CDH18: variants seen among roughly 807,000 people sequenced by gnomAD.
CDH18 encodes the protein cadherin 18.
In CDH18, 31 loss-of-function variants were observed where a neutral mutation model predicts 67.9. That is an observed-to-expected ratio of 0.46 (90% CI 0.34 to 0.62). The LOEUF is 0.62. Ranked by LOEUF, CDH18 falls within the 20% of genes least tolerant of loss-of-function variation. CDH18 has a pLI of 0.01. For missense variants in CDH18, 890 were observed against 975.5 expected (o/e 0.91, Z 1.17); for synonymous variants, 362 against 347.2 (o/e 1.04, Z -0.48).
At chr5:19,854,671 C>T (rs182329997) in intron 2 of CDH18, among the ~76,000 whole-genome samples, 1 of 152,198 alleles carries the variant, frequency 6.6e-6, no homozygotes, top group African/African-American at 2.4e-5. Context: ...GAATACTAGG[C>T]AGCTCCTTAT....
intron 1 of CDH18, among the ~76,000 whole-genome samples, chr5:20,368,608 CTT>C: frequency 6.6e-6 from 1 of 152,206 alleles, no homozygotes; most frequent in South Asian, 2.1e-4. Flanking sequence ...AAAAAGTACC[CTT>C]TTTATACCAT....
At chr5:20,566,721 G>A (rs1248348886) in intron 1 of CDH18, among the ~76,000 whole-genome samples, 1 of 151,268 alleles carries the variant, frequency 6.6e-6, no homozygotes, top group African/African-American at 2.4e-5. Flanking sequence ...TGATTTTTTT[G>A]GCTTGTTTGC....
At chr5:20,559,472 G>T (rs1207737792) in intron 1 of CDH18, among the ~76,000 whole-genome samples, 2 of 151,958 alleles carry the variant, frequency 1.3e-5, no homozygotes, top group Non-Finnish European at 2.9e-5. Context: ...AAATAGTATG[G>T]TATATAATGT....
At chr5:19,725,817 T>G (rs1300809344) in intron 4 of CDH18, among the ~76,000 whole-genome samples, 4 of 152,118 alleles carry the variant, frequency 2.6e-5, no homozygotes, top group Admixed American at 2.0e-4. Flanking sequence ...AAGAGGAGTG[T>G]TAACAGTTCT....
At chr5:19,963,951 A>G (rs1301352704) in intron 2 of CDH18, among the ~76,000 whole-genome samples, 2 of 151,932 alleles carry the variant, frequency 1.3e-5, no homozygotes, top group Non-Finnish European at 2.9e-5. Flanking sequence ...AACTAACTCA[A>G]TATCAAGACA....
chr5:19,955,645 A>G (rs1796189645), intron 2 of CDH18, among the ~76,000 whole-genome samples: 1 of 152,110 alleles, frequency 6.6e-6, no homozygotes. Context: ...TTTATAGCAC[A>G]TACTGGACAT....
chr5:20,369,222 T>C (rs1742775461), intron 1 of CDH18, among the ~76,000 whole-genome samples: 1 of 152,028 alleles, frequency 6.6e-6, no homozygotes, highest in Non-Finnish European at 1.5e-5. Context: ...AAAGAAAATG[T>C]GTGCTCCATT....
At chr5:20,237,965 A>T (rs1371929462) in intron 2 of CDH18, among the ~76,000 whole-genome samples, 2 of 152,028 alleles carry the variant, frequency 1.3e-5, no homozygotes, top group African/African-American at 4.8e-5. Flanking sequence ...ACACAAATAG[A>T]TCAATAGAAC....
intron 1 of CDH18, among the ~76,000 whole-genome samples, chr5:20,358,211 A>G (rs1458984677): frequency 6.6e-6 from 1 of 152,222 alleles, no homozygotes; most frequent in Admixed American, 6.5e-5. Flanking sequence ...TACTATGCCC[A>G]CTACCTGGGC....
Position 19,642,735 on chromosome 5 carries a change from G to T in CDH18, c.644-30134C>A, listed in dbSNP as rs1754191625. Among the ~76,000 whole-genome samples, 4 of 152,076 alleles carry T rather than the reference G, an allele frequency of 2.6e-5. No individual in the cohort carries two copies. In the East Asian group the frequency reaches 5.8e-4, roughly 22 times the overall value. On this transcript the variant is annotated intron_variant, in intron 5 of 12. Coordinates refer to ENST00000382275, the MANE Select transcript of CDH18 (RefSeq NM_004934.5). ...GTAACAGTACTAGAAAAAAAAGATA[G>T]GGGGAAGGCTTCTTGCTATTTGTCC...
At chr5:20,560,938 A>G (rs917312104) in intron 1 of CDH18, among the ~76,000 whole-genome samples, 2 of 151,998 alleles carry the variant, frequency 1.3e-5, no homozygotes, top group Non-Finnish European at 1.5e-5. Flanking sequence ...TTAACAAACT[A>G]AAAAAAATCA....
At chr5:19,718,493 A>G (rs1447153093) in intron 5 of CDH18, among the ~76,000 whole-genome samples, 1 of 151,940 alleles carries the variant, frequency 6.6e-6, no homozygotes, top group Non-Finnish European at 1.5e-5. Flanking sequence ...AACTAAATTC[A>G]TTAGTTCTGA....
At chr5:20,305,731 T>C (rs1314638056) in intron 1 of CDH18, 21 of 367,810 alleles carry the variant, frequency 5.7e-5, no homozygotes, top group Non-Finnish European at 1.0e-4. Context: ...CGGAGACCGC[T>C]GTGGGAACCG....
intron 2 of CDH18, among the ~76,000 whole-genome samples, chr5:19,956,808 T>C (rs1018002151): frequency 6.6e-6 from 1 of 151,882 alleles, no homozygotes; most frequent in Non-Finnish European, 1.5e-5. Flanking sequence ...ACGATCACTG[T>C]ATTAGAAAAA....
intron 2 of CDH18, among the ~76,000 whole-genome samples, chr5:20,211,539 G>A (rs745355567): frequency 1.1e-4 from 16 of 152,106 alleles, no homozygotes; most frequent in Non-Finnish European, 1.9e-4. Flanking sequence ...CCTCTAAGAC[G>A]AAGCTTCTAG....
chr5:19,960,561 ATGTGTGTGTG>A (rs146985982), intron 2 of CDH18, among the ~76,000 whole-genome samples: 2 of 121,520 alleles, frequency 1.6e-5, no homozygotes, highest in Non-Finnish European at 3.3e-5. Flanking sequence ...GTGTGTGTGT[ATGTGTGTGTG>A]TGTGTGTGTG....
chr5:19,987,716 G>A (rs1293235995), intron 1 of CDH18, among the ~76,000 whole-genome samples: 1 of 152,100 alleles, frequency 6.6e-6, no homozygotes, highest in Non-Finnish European at 1.5e-5. Flanking sequence ...TTTACAGATA[G>A]ACATAAATGA....
intron 7 of CDH18, among the ~76,000 whole-genome samples, chr5:19,588,576 C>T (rs2150014803): frequency 6.6e-6 from 1 of 151,976 alleles, no homozygotes; most frequent in East Asian, 1.9e-4. Flanking sequence ...TGTAAATAGG[C>T]TAAACCCCCC....
At chr5:20,476,886 T>A (rs1035286533) in intron 1 of CDH18, among the ~76,000 whole-genome samples, 1 of 152,208 alleles carries the variant, frequency 6.6e-6, no homozygotes, top group African/African-American at 2.4e-5. Context: ...ATCTATTTTT[T>A]ATTGAATCTG....
Sources: gnomAD v4.1 joint callset for allele counts (sites outside exome capture counted in the v4.1 genomes callset) on GRCh38, gnomAD v4.1.1 for gene constraint, MANE v1.5 for transcripts, NCBI Gene and HGNC (gene_info 2026-07-23, HGNC 2026-07-21) for gene names.